CNTNAP4: variants seen among roughly 807,000 people sequenced by gnomAD.
The protein encoded by CNTNAP4 is contactin associated protein family member 4.
Under a neutral mutation model 148.4 loss-of-function variants are expected in CNTNAP4, and 98 were observed. The observed-to-expected ratio is 0.66, with a 90% CI of 0.56 to 0.78. The LOEUF is 0.78. Among genes scored for constraint, CNTNAP4 ranks in the 30% least tolerant of loss-of-function variants. The pLI, the probability that CNTNAP4 is intolerant of heterozygous loss-of-function variation, is 0.00. For synonymous variants in CNTNAP4, 730 were observed against 565.1 expected (o/e 1.29, Z -4.14); for missense variants, 1,935 against 1,565.6 (o/e 1.24, Z -3.98).
chr16:76,431,236 G>T (rs2079593824), intron 4 of CNTNAP4, among the ~76,000 whole-genome samples: 1 of 152,140 alleles, frequency 6.6e-6, no homozygotes, highest in African/African-American at 2.4e-5. Context: ...GAGGATTGCT[G>T]GAATGATTAT....
chr16:76,427,921 T>C (rs2079469631), intron 4 of CNTNAP4, among the ~76,000 whole-genome samples: 1 of 152,196 alleles, frequency 6.6e-6, no homozygotes, highest in African/African-American at 2.4e-5. Flanking sequence ...TCATGAGTTA[T>C]ATTTGATGAT....
At chr16:76,320,637 T>G (rs1246082745) in intron 2 of CNTNAP4, among the ~76,000 whole-genome samples, 4 of 152,174 alleles carry the variant, frequency 2.6e-5, no homozygotes, top group Non-Finnish European at 5.9e-5. Flanking sequence ...ATGGGCAATT[T>G]AAAGTTAAGT....
At chr16:76,429,097 C>T (rs974549669) in intron 4 of CNTNAP4, among the ~76,000 whole-genome samples, 3 of 152,104 alleles carry the variant, frequency 2.0e-5, no homozygotes, top group Non-Finnish European at 4.4e-5. Flanking sequence ...ACTATCTGTC[C>T]GCCTTAATTG....
At chr16:76,419,005 G>C (rs1325790592) in intron 3 of CNTNAP4, among the ~76,000 whole-genome samples, 1 of 151,914 alleles carries the variant, frequency 6.6e-6, no homozygotes, top group Non-Finnish European at 1.5e-5. Context: ...CTGTTATCCA[G>C]TATTATTGCA....
At chr16:76,503,023 C>A (rs527547453) in intron 15 of CNTNAP4, among the ~76,000 whole-genome samples, 1 of 151,986 alleles carries the variant, frequency 6.6e-6, no homozygotes, top group African/African-American at 2.4e-5. Context: ...GCTTTCTTTT[C>A]GTTTTGTTTT....
intron 3 of CNTNAP4, among the ~76,000 whole-genome samples, chr16:76,360,342 T>C (rs74026735): frequency 0.026 from 3,892 of 152,276 alleles, 162 homozygotes; most frequent in African/African-American, 0.09. Flanking sequence ...AAACACTACC[T>C]GCAAAGATTT....
rs755087628 is a variant in CNTNAP4, at chr16:76,448,028, T to C, written c.555T>C (p.Asp185=). ...FGCAYRSEVV[D]LDGKSSLLYR... The stretch of plus-strand genomic sequence containing the variant: ...TGTTTCTAGGATCAGAAGTGGTTGA[T>C]CTTGATGGAAAAAGTTCCCTTCTCT... Residue 185 remains aspartate, a synonymous_variant, in exon 5 of 24, where the codon GAT becomes GAC. Coordinates refer to ENST00000611870, the MANE Select transcript of CNTNAP4 (RefSeq NM_033401.5). 1 of 1,613,124 alleles carries C rather than the reference T, an allele frequency of 6.2e-7. No individual in the cohort carries two copies. Among genetic ancestry groups the C allele is most frequent in the Admixed American group, 1.7e-5 (1 of 60,012 alleles).
At chr16:76,524,083 T>C (rs2083606208) in intron 17 of CNTNAP4, among the ~76,000 whole-genome samples, 1 of 152,194 alleles carries the variant, frequency 6.6e-6, no homozygotes, top group Non-Finnish European at 1.5e-5. Context: ...TTTTAACATA[T>C]TTGAGGAAGA....
intron 2 of CNTNAP4, among the ~76,000 whole-genome samples, chr16:76,351,962 CAT>C (rs995951204): frequency 4.6e-5 from 7 of 152,150 alleles, no homozygotes; most frequent in African/African-American, 1.4e-4. Context: ...TTTAGGAAAA[CAT>C]ATTCTCAATT....
rs112775012 is a variant in CNTNAP4 at position 76,542,946 on chromosome 16, G to A, written c.3442+2156G>A. Among the ~76,000 whole-genome samples, 10 of 152,302 alleles carry A rather than the reference G, an allele frequency of 6.6e-5. 1 individual carries two copies. Among genetic ancestry groups the A allele is most frequent in the African/African-American group, 2.4e-4 (10 of 41,578 alleles). On this transcript the variant is annotated intron_variant, in intron 21 of 23. Transcript: ENST00000611870. ...CAACATATTATAAAACAATTGGGAA[G>A]CTGATTTTCATCCTATAAGGAGGAT...
chr16:76,342,533 T>C (rs568838696), intron 2 of CNTNAP4, among the ~76,000 whole-genome samples: 5 of 139,610 alleles, frequency 3.6e-5, no homozygotes, highest in Non-Finnish European at 4.5e-5. Context: ...AGTGCAGTGG[T>C]GCAATCTCGG....
At chr16:76,425,770 G>A (rs1182939303) in intron 3 of CNTNAP4, among the ~76,000 whole-genome samples, 29 of 152,188 alleles carry the variant, frequency 1.9e-4, no homozygotes. Context: ...AACCTGGCTT[G>A]TTCAAGGAGG....
chr16:76,520,724 A>T (rs1471227303), intron 15 of CNTNAP4, among the ~76,000 whole-genome samples: 1 of 152,168 alleles, frequency 6.6e-6, no homozygotes, highest in Middle Eastern at 3.2e-3. Flanking sequence ...AACAAAAAAT[A>T]CTGTGAGCTT....
chr16:76,373,121 T>C (rs1038155458), intron 3 of CNTNAP4, among the ~76,000 whole-genome samples: 5 of 149,290 alleles, frequency 3.3e-5, no homozygotes, highest in South Asian at 2.1e-4. Context: ...ATATATTCCA[T>C]ATAAATAGGT....
intron 4 of CNTNAP4, among the ~76,000 whole-genome samples, chr16:76,447,144 A>G (rs1014322448): frequency 6.6e-6 from 1 of 151,932 alleles, no homozygotes; most frequent in African/African-American, 2.4e-5. Context: ...CTTCATCTCC[A>G]TAAAAAATAA....
At chr16:76,361,266 A>C (rs2013408441) in intron 3 of CNTNAP4, among the ~76,000 whole-genome samples, 2 of 152,142 alleles carry the variant, frequency 1.3e-5, no homozygotes, top group Admixed American at 1.3e-4. Flanking sequence ...GCTTAACTGG[A>C]ACATTTAATC....
At chr16:76,338,129 G>A (rs763204569) in intron 2 of CNTNAP4, among the ~76,000 whole-genome samples, 10 of 152,172 alleles carry the variant, frequency 6.6e-5, no homozygotes, top group Non-Finnish European at 1.3e-4. Context: ...TAAGAGTATC[G>A]ATTGGGGAAG....
chr16:76,358,860 ATG>A (rs2013045798), intron 3 of CNTNAP4, among the ~76,000 whole-genome samples: 1 of 151,656 alleles, frequency 6.6e-6, no homozygotes, highest in Non-Finnish European at 1.5e-5. Flanking sequence ...ATATATATAT[ATG>A]TATGTGTATA....
intron 3 of CNTNAP4, among the ~76,000 whole-genome samples, chr16:76,403,422 A>G (rs2078489927): frequency 6.6e-6 from 1 of 152,200 alleles, no homozygotes; most frequent in Non-Finnish European, 1.5e-5. Context: ...AGTCGTATAT[A>G]TGGCTAACAA....
Sources: allele counts gnomAD v4.1 joint callset (sites outside exome capture counted in the v4.1 genomes callset), GRCh38; gene constraint gnomAD v4.1.1; transcripts MANE v1.5; gene names NCBI Gene and HGNC (gene_info 2026-07-23, HGNC 2026-07-21).